LRP1B: variants seen among roughly 807,000 people sequenced by gnomAD.
The protein encoded by LRP1B is LDL receptor related protein 1B.
A neutral mutation model predicts 556.6 loss-of-function variants in LRP1B; 217 were observed. The observed-to-expected ratio is 0.39, with a 90% CI of 0.35 to 0.44. The LOEUF (loss-of-function observed/expected upper bound fraction) is 0.44. Ranked by LOEUF, LRP1B falls within the 20% of genes least tolerant of loss-of-function variation. LRP1B has a pLI of 1.00. For missense variants in LRP1B, 5,053 were observed against 5,620.8 expected (o/e 0.90, Z 3.23); for synonymous variants, 2,047 against 1,865.8 (o/e 1.10, Z -2.50).
At chr2:140,516,386 A>G (rs1047458930) in intron 50 of LRP1B, among the ~76,000 whole-genome samples, 27 of 152,240 alleles carry the variant, frequency 1.8e-4, no homozygotes, top group East Asian at 9.6e-4. Flanking sequence ...GTTATTTAAA[A>G]TGTACAGGAT....
At chr2:141,226,676 A>G (rs868712083) in intron 6 of LRP1B, among the ~76,000 whole-genome samples, 13 of 152,306 alleles carry the variant, frequency 8.5e-5, no homozygotes, top group African/African-American at 3.1e-4. Flanking sequence ...CTTATATGGT[A>G]TGACAAAGAT....
Position 140,909,427 on chromosome 2 carries a change from A to T in LRP1B, c.3320-1350T>A, listed in dbSNP as rs917189657. ...AATGTTTTATTTATAAAAATATATCAATAATTCTTCACACTATTATGTCAA... is the reference window on the plus strand; with the variant it reads ...AATGTTTTATTTATAAAAATATATCTATAATTCTTCACACTATTATGTCAA... On this transcript the variant is annotated intron_variant, in intron 21 of 90. Coordinates refer to ENST00000389484, the MANE Select transcript of LRP1B (RefSeq NM_018557.3). Among the ~76,000 whole-genome samples the T allele has an allele frequency of 1.3e-4, 19 of 151,918 alleles. 1 individual carries two copies. The highest frequency in any genetic ancestry group is 2.4e-5 in the African/African-American group (1 of 41,458).
At chr2:141,716,849 T>C (rs1184180038) in intron 2 of LRP1B, among the ~76,000 whole-genome samples, 2 of 152,192 alleles carry the variant, frequency 1.3e-5, no homozygotes, top group Non-Finnish European at 2.9e-5. Context: ...CTGTGTCTAC[T>C]AGTCTTGATG....
Position 141,115,615 on chromosome 2 carries a change from C to T in LRP1B, c.1014-53342G>A, listed in dbSNP as rs1195142091. Among the ~76,000 whole-genome samples the T allele has an allele frequency of 8.8e-5, 12 of 136,914 alleles. No individual in the cohort carries two copies. The East Asian group carries it at 2.0e-3, about 23-fold the overall frequency. 89.8% of individuals were successfully genotyped at this position (136,914 alleles called of 152,430 possible). ...GGGACTACAGGCTCCCGCCACCATGCCCGGCTAATTTGTGTGTGTGTGTGT... is the reference window on the plus strand; with the variant it reads ...GGGACTACAGGCTCCCGCCACCATGTCCGGCTAATTTGTGTGTGTGTGTGT... On this transcript the variant is annotated intron_variant, in intron 7 of 90. Transcript: ENST00000389484.
rs571072441 is a variant in LRP1B at position 140,701,383 on chromosome 2, G to T, written c.6427+338C>A. Among the ~76,000 whole-genome samples the T allele has an allele frequency of 2.0e-5, 3 of 151,942 alleles. No homozygotes were observed. In the South Asian group the frequency reaches 6.2e-4, roughly 32 times the overall value. On this transcript the variant is annotated intron_variant, in intron 40 of 90. Coordinates refer to ENST00000389484, the MANE Select transcript of LRP1B (RefSeq NM_018557.3). ...CATATTATGTATAAAAATTTCAACT[G>T]CCTTTTATTAATATCCTACTTATGC...
chr2:140,684,027 T>C (rs998604936), intron 41 of LRP1B: 1 of 196,052 alleles, frequency 5.1e-6, no homozygotes, highest in East Asian at 1.3e-4. Flanking sequence ...AAAATGTTGC[T>C]ACTTTTCAAA....
chr2:142,049,483 A>G (rs997298280), intron 1 of LRP1B, among the ~76,000 whole-genome samples: 3 of 152,134 alleles, frequency 2.0e-5, no homozygotes, highest in African/African-American at 7.2e-5. Flanking sequence ...CAAATACTAT[A>G]TGAACTATAT....
At chr2:141,231,630 G>A (rs987963523) in intron 5 of LRP1B, among the ~76,000 whole-genome samples, 6 of 33,850 alleles carry the variant, frequency 1.8e-4, no homozygotes, top group African/African-American at 3.2e-4. Flanking sequence ...GCCCCGCCCC[G>A]CCACCCACAA....
chr2:140,741,258 C>T (rs780378395), intron 35 of LRP1B, among the ~76,000 whole-genome samples: 1 of 152,164 alleles, frequency 6.6e-6, no homozygotes. Context: ...TTCATTTCAC[C>T]CCCAACCCAA....
At chr2:141,999,998 AATAT>A (rs1313929289) in intron 1 of LRP1B, among the ~76,000 whole-genome samples, 2 of 148,226 alleles carry the variant, frequency 1.3e-5, no homozygotes, top group Non-Finnish European at 3.0e-5. Context: ...TACATATAGA[AATAT>A]ATATACACAT....
chr2:142,009,885 A>G (rs1702902362), intron 1 of LRP1B, among the ~76,000 whole-genome samples: 1 of 152,098 alleles, frequency 6.6e-6, no homozygotes, highest in Admixed American at 6.5e-5. Context: ...GGATATATAC[A>G]TATATGTACA....
At chr2:140,862,537 T>G (rs1459337708) in intron 27 of LRP1B, among the ~76,000 whole-genome samples, 1 of 152,116 alleles carries the variant, frequency 6.6e-6, no homozygotes, top group Non-Finnish European at 1.5e-5. Flanking sequence ...CTTCCTCCTT[T>G]CCCCAGGTTT....
At chr2:141,835,382 T>C (rs747814082) in intron 1 of LRP1B, among the ~76,000 whole-genome samples, 3 of 151,538 alleles carry the variant, frequency 2.0e-5, no homozygotes, top group African/African-American at 7.3e-5. Flanking sequence ...AACTCCAGTG[T>C]GGACAAAGGG....
chr2:141,185,068 A>G (rs535809740), intron 7 of LRP1B, among the ~76,000 whole-genome samples: 6 of 152,202 alleles, frequency 3.9e-5, no homozygotes, highest in Admixed American at 1.3e-4. Context: ...AATATTAGCA[A>G]TTATCATTGA....
At chr2:141,672,613 A>AT (rs35472192) in intron 2 of LRP1B, among the ~76,000 whole-genome samples, 10,980 of 152,080 alleles carry the variant, frequency 0.072, 551 homozygotes, top group African/African-American at 0.14. Flanking sequence ...CATCAATTCT[A>AT]TTTTTTCTAA....
At chr2:142,096,226 C>A (rs1475866644) in intron 1 of LRP1B, among the ~76,000 whole-genome samples, 3 of 151,588 alleles carry the variant, frequency 2.0e-5, no homozygotes, top group African/African-American at 7.3e-5. Context: ...ATGGGCCAAT[C>A]AAAGAATCCA....
At chr2:141,616,319 A>G (rs1426377440) in intron 2 of LRP1B, among the ~76,000 whole-genome samples, 1 of 151,944 alleles carries the variant, frequency 6.6e-6, no homozygotes, top group Non-Finnish European at 1.5e-5. Flanking sequence ...AAGCTATATA[A>G]AATGACATAA....
intron 2 of LRP1B, among the ~76,000 whole-genome samples, chr2:141,552,705 T>A (rs1401094988): frequency 6.6e-6 from 1 of 151,998 alleles, no homozygotes; most frequent in African/African-American, 2.4e-5. Flanking sequence ...GGTAGTTAAT[T>A]GGCTTGGCGG....
At chr2:141,106,852 C>T (rs1180505610) in intron 7 of LRP1B, among the ~76,000 whole-genome samples, 1 of 152,260 alleles carries the variant, frequency 6.6e-6, no homozygotes, top group South Asian at 2.1e-4. Flanking sequence ...CAACCACTTT[C>T]GATGCCAGGG....
Sources: allele counts gnomAD v4.1 joint callset (sites outside exome capture counted in the v4.1 genomes callset), GRCh38; gene constraint gnomAD v4.1.1; transcripts MANE v1.5; gene names NCBI Gene and HGNC (gene_info 2026-07-23, HGNC 2026-07-21).